Variants in IREB2 observed in about 807,000 individuals in gnomAD.
IREB2 encodes the protein iron responsive element binding protein 2, also known as iron-responsive element-binding protein 2.
IREB2 carries 39 observed loss-of-function variants against 118.8 expected under a neutral mutation model. The observed-to-expected ratio is 0.33, with a 90% CI of 0.25 to 0.43. The LOEUF (loss-of-function observed/expected upper bound fraction) is 0.43. Among genes scored for constraint, IREB2 ranks in the 20% least tolerant of loss-of-function variants. The pLI, the probability that IREB2 is intolerant of heterozygous loss-of-function variation, is 1.00. For missense variants in IREB2, 900 were observed against 1,147.3 expected (o/e 0.78, Z 3.11); for synonymous variants, 372 against 392.2 (o/e 0.95, Z 0.61).
chr15:78,482,755 T>G (rs559128493), intron 10 of IREB2, among the ~76,000 whole-genome samples: 41 of 152,038 alleles, frequency 2.7e-4, no homozygotes, highest in Admixed American at 1.8e-3. Context: ...AACCAGGTTT[T>G]TTTTTTTTTT....
At chr15:78,464,661 GC>G (rs2051251179) in intron 3 of IREB2, among the ~76,000 whole-genome samples, 1 of 152,120 alleles carries the variant, frequency 6.6e-6, no homozygotes, top group South Asian at 2.1e-4. Flanking sequence ...ATAGTTCACT[GC>G]AGCATCGACC....
chr15:78,487,541 A>G (rs1462755047), intron 13 of IREB2, among the ~76,000 whole-genome samples, 192 bp from the exon 14 acceptor site: 1 of 152,208 alleles, frequency 6.6e-6, no homozygotes, highest in Admixed American at 6.5e-5. Flanking sequence ...AGCTGGTTCA[A>G]ATAGCATGCC....
intron 15 of IREB2, 21 bp from the exon 16 acceptor site, chr15:78,488,626 A>G (rs1328741802): frequency 2.5e-6 from 4 of 1,581,464 alleles, no homozygotes; most frequent in Admixed American, 4.0e-5. Context: ...ACTGAGTATC[A>G]TGTTCAAAAA....
intron 2 of IREB2, among the ~76,000 whole-genome samples, chr15:78,448,976 A>T (rs935242671): frequency 6.6e-6 from 1 of 152,180 alleles, no homozygotes; most frequent in African/African-American, 2.4e-5. Flanking sequence ...ATTTCTGCAA[A>T]TATCAAAACC....
chr15:78,441,712 G>A lies in IREB2; in HGVS notation c.106+1831G>A, dbSNP rs143546146. On this transcript the variant is annotated intron_variant, in intron 2 of 21. Transcript: ENST00000258886. ...AATCTGAAAGTTAAATTTTCCCTGG[G>A]AAATAAGTTGTCATGGGAATTTGTA... Among the ~76,000 whole-genome samples the A allele has an allele frequency of 6.0e-4, 91 of 152,218 alleles. No homozygotes were observed. In the East Asian group the frequency reaches 0.016, roughly 27 times the overall value.
chr15:78,490,187 C>T (rs527945399), intron 16 of IREB2, among the ~76,000 whole-genome samples: 4 of 152,034 alleles, frequency 2.6e-5, no homozygotes, highest in South Asian at 2.1e-4. Context: ...CCAAGGCCCA[C>T]GTATCGCTTG....
chr15:78,497,943 G>T, intron 21 of IREB2, 90 bp from the exon 22 acceptor site: 1 of 700,004 alleles, frequency 1.4e-6, no homozygotes, highest in Non-Finnish European at 2.5e-6. Context: ...GGCAAGTATA[G>T]TCATTAAATA....
chr15:78,459,149 C>G (rs2051155260), intron 2 of IREB2, among the ~76,000 whole-genome samples: 1 of 152,088 alleles, frequency 6.6e-6, no homozygotes, highest in Non-Finnish European at 1.5e-5. Flanking sequence ...TGTAACCCAC[C>G]ATGTAATTGT....
intron 5 of IREB2, among the ~76,000 whole-genome samples, chr15:78,469,813 A>G (rs572034236): frequency 6.6e-6 from 1 of 152,338 alleles, no homozygotes; most frequent in East Asian, 1.9e-4. Context: ...AGTTATATTG[A>G]TATTCTAGTC....
rs2051263297 is a variant in IREB2 at position 78,465,328 on chromosome 15, A to G, written c.350A>G (p.His117Arg). ...KTLGGDPEKV[H>R]PACPTDLTVD... ...CTTGGAGGTGATCCTGAGAAAGTCC[A>G]TCCTGCTTGTCCGACAGATCTTACA... The change falls in exon 4 of 22, where the codon CAT becomes CGT. Residue 117 changes from histidine to arginine, a missense_variant. Physicochemically the swap from His to Arg is conservative, Grantham distance 29. Transcript: ENST00000258886. 1 of 1,613,798 alleles carries G rather than the reference A, an allele frequency of 6.2e-7. No homozygotes were observed. Among genetic ancestry groups the G allele is most frequent in the African/African-American group, 1.3e-5 (1 of 74,940 alleles).
rs1256027026 is a variant in IREB2, at chr15:78,484,971, G to C, written c.1573+51G>C. On this transcript the variant is annotated intron_variant, in intron 12 of 21. Transcript: ENST00000258886. The stretch of plus-strand genomic sequence containing the variant: ...TTTTCTTTTTCCTTAATTATTGTTG[G>C]CTTTTCTGTTATTGTAACTTTGTTT... 7 of 1,517,610 alleles carry C rather than the reference G, an allele frequency of 4.6e-6. No individual in the cohort carries two copies. The Admixed American group carries it at 1.3e-4, about 28-fold the overall frequency. The allele number at this position is 1,517,610 out of a possible 1,614,324, so 94.0% of individuals were successfully genotyped here.
intron 2 of IREB2, among the ~76,000 whole-genome samples, chr15:78,446,545 G>A (rs535025630): frequency 6.6e-6 from 1 of 152,236 alleles, no homozygotes; most frequent in Admixed American, 6.5e-5. Context: ...TTTCTGCCCT[G>A]TTCCACTCTT....
intron 10 of IREB2, among the ~76,000 whole-genome samples, chr15:78,482,929 C>T (rs549926258): frequency 9.5e-4 from 144 of 152,114 alleles, no homozygotes; most frequent in African/African-American, 3.3e-3. Flanking sequence ...TTAGTAGAGA[C>T]GAGGTTTCAC....
At position 78,500,861 on chromosome 15, in the gene IREB2, T is replaced by G. The variant is rs2051931533; in HGVS notation, c.*2718T>G. 6.6e-6 allele frequency: 1 copy of G among 152,216 alleles called. No homozygotes were observed. The highest frequency in any genetic ancestry group is 2.4e-5 in the African/African-American group (1 of 41,464). The allele number at this position is 152,216 out of a possible 1,614,324, so 9.4% of individuals were successfully genotyped here. ...GGTACTAGTATCCCTCTAGCCAGAT[T>G]GCTTAGTTTTTCGTTGGTAATCAAA... On this transcript the variant is annotated 3_prime_UTR_variant, in exon 22 of 22. Transcript: ENST00000258886.
At position 78,497,279 on chromosome 15, in the gene IREB2, G is replaced by A. The variant is rs748375601; in HGVS notation, c.2749G>A (p.Glu917Lys). Residue 917 changes from glutamate (E) to lysine (K), a missense_variant, in exon 21 of 22, where the codon GAA (glutamate) becomes AAA (lysine). Transcript: ENST00000258886. ...AACATTTTCTTTAACATTTCCTGAA[G>A]AACTGTCTCCTGGAATTACATTGAA... ...RETFSLTFPE[E>K]LSPGITLNIQ... The A allele has an allele frequency of 5.0e-6, 8 of 1,613,608 alleles. No homozygotes were observed. In the Admixed American group the frequency reaches 1.2e-4, roughly 24 times the overall value.
upstream of IREB2, among the ~76,000 whole-genome samples, chr15:78,437,981 A>G (rs2050778011): frequency 6.6e-6 from 1 of 152,218 alleles, no homozygotes; most frequent in Non-Finnish European, 1.5e-5. Flanking sequence ...GGCCGCAACT[A>G]AGTAACGGAT....
intron 10 of IREB2, among the ~76,000 whole-genome samples, chr15:78,479,418 TAG>T (rs929745182): frequency 1.4e-5 from 2 of 147,732 alleles, no homozygotes; most frequent in South Asian, 2.1e-4. Flanking sequence ...TTTTTTTTGG[TAG>T]AGAGAGGATT....
At chr15:78,438,468 G>A in intron 1 of IREB2, 112 bp downstream of exon 1, 3 of 1,274,266 alleles carry the variant, frequency 2.4e-6, no homozygotes, top group Non-Finnish European at 3.3e-6. Flanking sequence ...CAGGCCCTCG[G>A]GGCTCGGGTT....
At chr15:78,447,406 C>T (rs1362220665) in intron 2 of IREB2, among the ~76,000 whole-genome samples, 1 of 151,612 alleles carries the variant, frequency 6.6e-6, no homozygotes, top group Non-Finnish European at 1.5e-5. Flanking sequence ...TCTCGGCTCA[C>T]TGCAACCTCC....
Sources: allele counts gnomAD v4.1 joint callset (sites outside exome capture counted in the v4.1 genomes callset), GRCh38; gene constraint gnomAD v4.1.1; transcripts MANE v1.5; gene names NCBI Gene and HGNC (gene_info 2026-07-23, HGNC 2026-07-21).